The following OR11A1 variants were observed in gnomAD, a reference collection of about 807,000 sequenced individuals.
OR11A1 encodes olfactory receptor 11A1.
For missense variants in OR11A1, 380 were observed against 378.2 expected, an observed-to-expected ratio of 1.00 and a Z score of -0.04; for synonymous variants, 158 against 152.2, an observed-to-expected ratio of 1.04 and a Z score of -0.28.
rs181126433 is a variant in OR11A1, at chr6:29,446,294, C to T, written c.-389+10693G>A. On this transcript the variant is annotated intron_variant, in intron 1 of 4. Coordinates refer to ENST00000377149, the MANE Select transcript of OR11A1 (RefSeq NM_001394828.1). The stretch of plus-strand genomic sequence containing the variant: ...CTTCATTCTCACTGCAGCCCAGACC[C>T]ACTTCCTCCCTTCCCTGAGCTTCCC... Among the ~76,000 whole-genome samples, 209 of 152,278 alleles carry T rather than the reference C, an allele frequency of 1.4e-3. 5 individuals are homozygous for T. The East Asian group carries it at 0.021, about 15-fold the overall frequency.
chr6:29,428,985 G>A, intron 3 of OR11A1, 25 bp from the exon 4 acceptor site: 2 of 886,790 alleles, frequency 2.3e-6, no homozygotes, highest in Non-Finnish European at 2.7e-6. Flanking sequence ...AGAGAATACA[G>A]GGAATGATTA....
At chr6:29,455,337 G>C (rs1427013878) in intron 1 of OR11A1, among the ~76,000 whole-genome samples, 1 of 152,094 alleles carries the variant, frequency 6.6e-6, no homozygotes, top group Non-Finnish European at 1.5e-5. Context: ...ATAAAATATG[G>C]ACAAATGACT....
At chr6:29,441,113 C>T in intron 1 of OR11A1, 2 of 593,900 alleles carry the variant, frequency 3.4e-6, no homozygotes, top group East Asian at 2.8e-5. Context: ...AAATGCGCTC[C>T]TCAGACCCTC....
chr6:29,434,779 G>A (rs1783504468), intron 1 of OR11A1, among the ~76,000 whole-genome samples: 7 of 152,322 alleles, frequency 4.6e-5, no homozygotes, highest in Admixed American at 1.3e-4. Context: ...TGTTTGTATT[G>A]TTAATCACCC....
intron 1 of OR11A1, among the ~76,000 whole-genome samples, chr6:29,433,855 T>C (rs1783432473): frequency 6.6e-6 from 1 of 152,168 alleles, no homozygotes; most frequent in Admixed American, 6.5e-5. Flanking sequence ...TTTTCTGTAG[T>C]AGGCATTCTA....
chr6:29,439,817 T>C, intron 1 of OR11A1: 1 of 596,884 alleles, frequency 1.7e-6, no homozygotes, highest in Non-Finnish European at 3.0e-6. Flanking sequence ...TCATCCAGGA[T>C]CCCAAGAGTG....
At chr6:29,451,346 A>G (rs928709018) in intron 1 of OR11A1, among the ~76,000 whole-genome samples, 4 of 152,242 alleles carry the variant, frequency 2.6e-5, no homozygotes, top group Non-Finnish European at 5.9e-5. Flanking sequence ...ACAGAAATAG[A>G]CAAGTGGAAC....
At chr6:29,450,036 A>G (rs1314220956) in intron 1 of OR11A1, among the ~76,000 whole-genome samples, 1 of 152,238 alleles carries the variant, frequency 6.6e-6, no homozygotes, top group Non-Finnish European at 1.5e-5. Flanking sequence ...AGCGTGACTT[A>G]GAATAAGTCC....
intron 1 of OR11A1, among the ~76,000 whole-genome samples, chr6:29,449,088 C>G (rs867814891): frequency 6.6e-6 from 1 of 152,184 alleles, no homozygotes; most frequent in Non-Finnish European, 1.5e-5. Flanking sequence ...ATAGAAAGCA[C>G]AGAGAACCTT....
At chr6:29,449,064 A>G (rs1354071661) in intron 1 of OR11A1, among the ~76,000 whole-genome samples, 1 of 152,206 alleles carries the variant, frequency 6.6e-6, no homozygotes, top group Non-Finnish European at 1.5e-5. Context: ...ATGGGGTCAG[A>G]GAAGGAATGA....
At chr6:29,448,017 T>TC (rs1561816004) in intron 1 of OR11A1, among the ~76,000 whole-genome samples, 2 of 139,472 alleles carry the variant, frequency 1.4e-5, no homozygotes, top group African/African-American at 2.7e-5. Context: ...TTTCTTTTTT[T>TC]TTTTTTTTTT....
chr6:29,455,632 T>C (rs1163096993), intron 1 of OR11A1, among the ~76,000 whole-genome samples: 3 of 152,144 alleles, frequency 2.0e-5, no homozygotes, highest in African/African-American at 7.2e-5. Context: ...AAAACATCAT[T>C]TGGGAGGCCG....
chr6:29,426,724 G>A lies in OR11A1; in HGVS notation c.918C>T (p.Leu306=), dbSNP rs761370968. The A allele has an allele frequency of 1.2e-6, 2 of 1,612,048 alleles. No homozygotes were observed. Among genetic ancestry groups the A allele is most frequent in the South Asian group, 2.2e-5 (2 of 90,988 alleles). ...CAAGTGTTTCAGTTTGTTTGATACA[G>A]AGAATCTTCCGAAGTGCCTGATGCA... ...KEVHQALRKI[L]CIKQTETLD The change falls in exon 5 of 5, where the codon CTC becomes CTT. Residue 306 remains leucine (L), a synonymous_variant. Coordinates refer to ENST00000377149, the MANE Select transcript of OR11A1 (RefSeq NM_001394828.1).
chr6:29,444,647 CATAG>C (rs147102056), intron 1 of OR11A1, among the ~76,000 whole-genome samples: 7,681 of 152,194 alleles, frequency 0.05, 367 homozygotes, highest in African/African-American at 0.12. Context: ...CTTTCTCCAC[CATAG>C]ATAGCTACCA....
intron 2 of OR11A1, among the ~76,000 whole-genome samples, chr6:29,431,007 G>A (rs902578132): frequency 2.6e-5 from 4 of 152,134 alleles, no homozygotes; most frequent in African/African-American, 9.7e-5. Context: ...GAAATCAACA[G>A]GAATTTCACC....
intron 1 of OR11A1, among the ~76,000 whole-genome samples, chr6:29,455,948 T>C (rs1448975586): frequency 6.7e-6 from 1 of 149,800 alleles, no homozygotes; most frequent in Non-Finnish European, 1.5e-5. Context: ...TTTTCAAAAT[T>C]AGCCTGGCTT....
chr6:29,430,018 T>C (rs549586737), intron 3 of OR11A1, among the ~76,000 whole-genome samples: 1 of 152,344 alleles, frequency 6.6e-6, no homozygotes, highest in Admixed American at 6.5e-5. Flanking sequence ...TGCAAATACA[T>C]GCTGCCTTGA....
intron 2 of OR11A1, among the ~76,000 whole-genome samples, chr6:29,431,190 A>G (rs1271087642): frequency 1.3e-5 from 2 of 152,172 alleles, no homozygotes; most frequent in Admixed American, 1.3e-4. Context: ...TCCAGGAAAA[A>G]ATATTTTAAA....
At chr6:29,449,330 T>A (rs1453519851) in intron 1 of OR11A1, among the ~76,000 whole-genome samples, 1 of 152,142 alleles carries the variant, frequency 6.6e-6, no homozygotes, top group Non-Finnish European at 1.5e-5. Context: ...TACTCTCTGT[T>A]CAGTTTTACT....
Sources: gnomAD v4.1 joint callset for allele counts (sites outside exome capture counted in the v4.1 genomes callset) on GRCh38, gnomAD v4.1.1 for gene constraint, MANE v1.5 for transcripts, NCBI Gene and HGNC (gene_info 2026-07-23, HGNC 2026-07-21) for gene names.